SYT16: variants seen among roughly 807,000 people sequenced by gnomAD.
The protein encoded by SYT16 is synaptotagmin-16.
Under a neutral mutation model 61.4 loss-of-function variants are expected in SYT16, and 42 were observed. The observed-to-expected ratio is 0.68, with a 90% CI of 0.53 to 0.89. The LOEUF (loss-of-function observed/expected upper bound fraction) is 0.89. SYT16 is among the 40% of genes least tolerant of loss of function. The pLI, the probability that SYT16 is intolerant of heterozygous loss-of-function variation, is 0.00. For synonymous variants in SYT16, 314 were observed against 302.3 expected (o/e 1.04, Z -0.40); for missense variants, 804 against 807.3 (o/e 1.00, Z 0.05).
chr14:62,001,468 A>T (rs1443898269), intron 3 of SYT16, among the ~76,000 whole-genome samples: 1 of 152,008 alleles, frequency 6.6e-6, no homozygotes, highest in Non-Finnish European at 1.5e-5. Context: ...TGCATGTAAT[A>T]TGTGTTTCTT....
Position 61,989,300 on chromosome 14 carries a change from G to T in SYT16, c.-144-6576G>T, listed in dbSNP as rs532037994. ...CTGTTATAGCTGCTTTAAAAACATT[G>T]TCTGTGTAATCCCAGCACTTGGGAG... On this transcript the variant is annotated intron_variant, in intron 2 of 7. Coordinates refer to ENST00000683842, the MANE Select transcript of SYT16 (RefSeq NM_001367656.1). Among the ~76,000 whole-genome samples, 34 of 152,190 alleles carry T rather than the reference G, an allele frequency of 2.2e-4. No homozygotes were observed. The South Asian group carries it at 6.6e-3, about 30-fold the overall frequency.
chr14:61,861,402 T>G (rs1594776537), intron 1 of SYT16, among the ~76,000 whole-genome samples: 2 of 152,318 alleles, frequency 1.3e-5, no homozygotes, highest in African/African-American at 4.8e-5. Flanking sequence ...GCCTTTTACT[T>G]TCTTTCGGAT....
intron 1 of SYT16, among the ~76,000 whole-genome samples, chr14:61,936,827 G>A (rs2050002684): frequency 6.6e-6 from 1 of 152,082 alleles, no homozygotes; most frequent in Non-Finnish European, 1.5e-5. Flanking sequence ...CAGGCTGCTG[G>A]GCCTGACATG....
chr14:62,018,298 CTTTTTTTTTTTTTT>C (rs776473522), intron 3 of SYT16, among the ~76,000 whole-genome samples: 10 of 51,622 alleles, frequency 1.9e-4, no homozygotes, highest in Admixed American at 9.0e-4. Context: ...TCTTCTTCTT[CTTTTTTTTTTTTTT>C]TTTTTTTTTT....
chr14:62,078,435 A>C (rs1018582944), intron 5 of SYT16, among the ~76,000 whole-genome samples: 1 of 152,128 alleles, frequency 6.6e-6, no homozygotes, highest in Non-Finnish European at 1.5e-5. Context: ...CCTCCATAAA[A>C]TGAAGATATT....
chr14:61,824,478 G>A (rs551289254), intron 1 of SYT16, among the ~76,000 whole-genome samples: 3 of 151,876 alleles, frequency 2.0e-5, no homozygotes, highest in African/African-American at 4.8e-5. Context: ...TCAGCCTCCC[G>A]AGTAGCTGGG....
At chr14:61,963,591 A>G (rs555556877) in intron 1 of SYT16, among the ~76,000 whole-genome samples, 2 of 152,300 alleles carry the variant, frequency 1.3e-5, no homozygotes, top group African/African-American at 4.8e-5. Flanking sequence ...AGGTTCAAGG[A>G]AAAAAGCCAT....
At position 61,889,587 on chromosome 14, in the gene SYT16, TCC is replaced by T. The variant is rs1491447389; in HGVS notation, c.-325+76779_-325+76780del. 1.8e-3 allele frequency among the ~76,000 whole-genome samples: 261 copies of T among 148,490 alleles called. 1 individual carries two copies. Among genetic ancestry groups the T allele is most frequent in the Non-Finnish European group, 2.5e-3 (169 of 66,810 alleles). ...GGTACTTCCCTCTGCTCGCTCTTGC[TCC>T]CTCTCTCTCTCTCTCTGTCTCCCTC... On this transcript the variant is annotated intron_variant, in intron 1 of 7. Transcript: ENST00000683842.
intron 1 of SYT16, among the ~76,000 whole-genome samples, chr14:61,900,416 C>A (rs1027994319): frequency 1.2e-4 from 18 of 152,146 alleles, no homozygotes; most frequent in Admixed American, 6.5e-5. Context: ...CCTCAGCCTT[C>A]CAAAATGTTG....
chr14:62,013,952 A>T (rs2053566903), intron 3 of SYT16, among the ~76,000 whole-genome samples: 1 of 150,732 alleles, frequency 6.6e-6, no homozygotes, highest in Non-Finnish European at 1.5e-5. Flanking sequence ...CAACAGAGCG[A>T]GATTCCATCT....
At chr14:62,066,865 C>T (rs1261297121) in intron 3 of SYT16, among the ~76,000 whole-genome samples, 1 of 152,102 alleles carries the variant, frequency 6.6e-6, no homozygotes, top group Non-Finnish European at 1.5e-5. Context: ...GGGTAACTTG[C>T]AGTTAGATAG....
chr14:62,111,097 A>G lies in SYT16; in HGVS notation c.*10390A>G, dbSNP rs558368137. 5 of 152,202 alleles carry G rather than the reference A, an allele frequency of 3.3e-5. No homozygotes were observed. The East Asian group carries it at 7.7e-4, about 23-fold the overall frequency. The allele number at this position is 152,202 out of a possible 1,614,324, so 9.4% of individuals were successfully genotyped here. On this transcript the variant is annotated 3_prime_UTR_variant, in exon 8 of 8. Transcript: ENST00000683842. The stretch of plus-strand genomic sequence containing the variant: ...GCAAGATAAATCTGACTTTCTCAAT[A>G]TTTTTGGTCTTCATATGGCATCTGA...
intron 2 of SYT16, among the ~76,000 whole-genome samples, chr14:61,973,356 A>T (rs1038574775): frequency 6.6e-6 from 1 of 152,200 alleles, no homozygotes; most frequent in African/African-American, 2.4e-5. Context: ...GATAATGATC[A>T]TTGGTAACTA....
intron 5 of SYT16, among the ~76,000 whole-genome samples, chr14:62,078,172 A>ACACACACACACACAC (rs2056576554): frequency 3.9e-5 from 5 of 128,844 alleles, no homozygotes; most frequent in African/African-American, 6.2e-5. Context: ...TATATATATA[A>ACACACACACACACAC]ACACACACAC....
intron 1 of SYT16, chr14:61,832,199 G>A (rs2140236352): frequency 1.5e-6 from 1 of 647,106 alleles, no homozygotes; most frequent in African/African-American, 1.8e-5. Context: ...CTTTCTGTCT[G>A]GCAGACAGGT....
intron 3 of SYT16, among the ~76,000 whole-genome samples, chr14:62,004,986 C>G (rs1406318842): frequency 6.6e-6 from 1 of 152,176 alleles, no homozygotes. Flanking sequence ...GTAGATGAGG[C>G]TTCCCAGATG....
intron 1 of SYT16, among the ~76,000 whole-genome samples, chr14:61,920,322 A>T (rs2049282228): frequency 1.3e-5 from 2 of 152,150 alleles, no homozygotes; most frequent in Admixed American, 1.3e-4. Context: ...GTTAATAGGT[A>T]TACATGTGCC....
At chr14:62,018,225 C>CTGTTCCTTT (rs2053769563) in intron 3 of SYT16, among the ~76,000 whole-genome samples, 1 of 150,080 alleles carries the variant, frequency 6.7e-6, no homozygotes, top group Non-Finnish European at 1.5e-5. Flanking sequence ...TGACCTTATT[C>CTGTTCCTTT]TGTTCCTTTC....
intron 3 of SYT16, among the ~76,000 whole-genome samples, chr14:62,052,076 T>A (rs923123454): frequency 6.6e-6 from 1 of 152,208 alleles, no homozygotes; most frequent in Admixed American, 6.5e-5. Flanking sequence ...TATTAATACC[T>A]GCTTTTATCT....
Sources: gnomAD v4.1 joint callset for allele counts (sites outside exome capture counted in the v4.1 genomes callset) on GRCh38, gnomAD v4.1.1 for gene constraint, MANE v1.5 for transcripts, NCBI Gene and HGNC (gene_info 2026-07-23, HGNC 2026-07-21) for gene names.